KAZN: variants seen among roughly 807,000 people sequenced by gnomAD.
KAZN encodes kazrin, periplakin interacting protein, also known as kazrin.
In KAZN, 40 loss-of-function variants were observed where a neutral mutation model predicts 87.4. That is an observed-to-expected ratio of 0.46 (90% CI 0.36 to 0.60). The LOEUF (loss-of-function observed/expected upper bound fraction) is 0.60. KAZN is among the 20% of genes least tolerant of loss of function. The probability of loss-of-function intolerance (pLI) is 0.00; values close to 1 mark genes in which losing one functional copy is unlikely to be tolerated. For synonymous variants in KAZN, 466 were observed against 458.3 expected (o/e 1.02, Z -0.22); for missense variants, 898 against 1,073.9 (o/e 0.84, Z 2.29).
chr1:13,897,520 T>G (rs547663588), intron 1 of KAZN, among the ~76,000 whole-genome samples: 1 of 152,270 alleles, frequency 6.6e-6, no homozygotes, highest in Non-Finnish European at 1.5e-5. Flanking sequence ...AGGAAGCTTT[T>G]AGAATAGATC....
intron 1 of KAZN, among the ~76,000 whole-genome samples, chr1:13,963,668 C>T (rs1305143819): frequency 6.6e-6 from 1 of 152,128 alleles, no homozygotes; most frequent in Non-Finnish European, 1.5e-5. Flanking sequence ...AAGCCTAGCT[C>T]AGCCATCATC....
At chr1:14,281,310 T>G (rs1436772311) in intron 2 of KAZN, among the ~76,000 whole-genome samples, 3 of 152,206 alleles carry the variant, frequency 2.0e-5, no homozygotes, top group Admixed American at 6.5e-5. Flanking sequence ...GGTGCACATA[T>G]GTATTTGTTA....
intron 2 of KAZN, among the ~76,000 whole-genome samples, chr1:14,335,760 C>G (rs561756463): frequency 0.034 from 5,103 of 149,316 alleles, 241 homozygotes; most frequent in East Asian, 0.12. Context: ...CACACACACA[C>G]AGAGAGAGAG....
At chr1:15,086,414 G>A (rs886482240) in intron 8 of KAZN, among the ~76,000 whole-genome samples, 9 of 152,196 alleles carry the variant, frequency 5.9e-5, no homozygotes, top group African/African-American at 1.2e-4. Flanking sequence ...ACCTAAAACC[G>A]TGTTCCCAGC....
intron 2 of KAZN, among the ~76,000 whole-genome samples, chr1:14,328,988 C>T (rs1656651453): frequency 6.6e-6 from 1 of 152,030 alleles, no homozygotes; most frequent in South Asian, 2.1e-4. Flanking sequence ...TTTATGGATA[C>T]AAGAAAAGAC....
chr1:14,689,304 A>T (rs1557891468), intron 1 of KAZN, among the ~76,000 whole-genome samples: 1 of 152,186 alleles, frequency 6.6e-6, no homozygotes, highest in Non-Finnish European at 1.5e-5. Context: ...ACAGAGAGCT[A>T]CTCAGGGCCT....
chr1:14,827,549 CT>C (rs1434007628), intron 1 of KAZN, among the ~76,000 whole-genome samples: 2 of 152,218 alleles, frequency 1.3e-5, no homozygotes, highest in Non-Finnish European at 2.9e-5. Flanking sequence ...TTGCCTCCCC[CT>C]GCACACTAGG....
At chr1:14,259,164 G>A (rs1650813918) in intron 2 of KAZN, among the ~76,000 whole-genome samples, 2 of 152,070 alleles carry the variant, frequency 1.3e-5, no homozygotes, top group African/African-American at 2.4e-5. Flanking sequence ...TGGCTAGGCA[G>A]CATGCATGCC....
At chr1:14,422,404 G>C (rs529507430) in intron 2 of KAZN, among the ~76,000 whole-genome samples, 17 of 152,338 alleles carry the variant, frequency 1.1e-4, no homozygotes, top group South Asian at 2.1e-4. Flanking sequence ...CGTAGGTAAA[G>C]TATGAGGCTG....
At chr1:15,045,325 C>T (rs766536850) in intron 4 of KAZN, among the ~76,000 whole-genome samples, 9 of 152,162 alleles carry the variant, frequency 5.9e-5, no homozygotes, top group Admixed American at 2.0e-4. Flanking sequence ...CGAATCCAGC[C>T]CCAGGTGCTT....
At chr1:13,959,246 C>G (rs927436549) in intron 1 of KAZN, among the ~76,000 whole-genome samples, 1 of 152,156 alleles carries the variant, frequency 6.6e-6, no homozygotes, top group Non-Finnish European at 1.5e-5. Context: ...ATGGTCCTCA[C>G]CAAAACCAAA....
intron 1 of KAZN, among the ~76,000 whole-genome samples, chr1:14,698,263 C>T (rs1005019144): frequency 2.6e-5 from 4 of 152,190 alleles, no homozygotes; most frequent in East Asian, 1.9e-4. Context: ...GGAAGTGAGC[C>T]GCCACCAGCC....
chr1:14,404,741 A>G (rs868139431), intron 2 of KAZN, among the ~76,000 whole-genome samples: 3 of 152,238 alleles, frequency 2.0e-5, no homozygotes, highest in South Asian at 4.1e-4. Context: ...AAATTCTCAA[A>G]AATAGTAAGA....
At chr1:14,104,274 T>G (rs1644322842) in intron 1 of KAZN, among the ~76,000 whole-genome samples, 1 of 152,218 alleles carries the variant, frequency 6.6e-6, no homozygotes, top group Non-Finnish European at 1.5e-5. Flanking sequence ...CTCCTGGCGC[T>G]GGAGGAGGTC....
chr1:14,302,961 T>C (rs1017258805), intron 2 of KAZN, among the ~76,000 whole-genome samples: 3 of 152,124 alleles, frequency 2.0e-5, no homozygotes, highest in Admixed American at 6.5e-5. Flanking sequence ...GGGAACAAGA[T>C]TGAATGTGAT....
Position 15,079,550 on chromosome 1 carries a change from C to T in KAZN, c.1222+13797C>T, listed in dbSNP as rs552387155. ...TGATTTCCTGAAACCCACAGCCATC[C>T]ATCGCCCCCAGCTTTGCCTCCAAGA... On this transcript the variant is annotated intron_variant, in intron 8 of 14. Transcript: ENST00000376030. Among the ~76,000 whole-genome samples the T allele has an allele frequency of 1.4e-4, 21 of 152,244 alleles. 1 individual carries two copies. Among genetic ancestry groups the T allele is most frequent in the African/African-American group, 5.1e-4 (21 of 41,546 alleles).
intron 1 of KAZN, among the ~76,000 whole-genome samples, chr1:14,159,337 C>G (rs1645662271): frequency 6.6e-6 from 1 of 152,224 alleles, no homozygotes; most frequent in South Asian, 2.1e-4. Context: ...GTCCTTCCCA[C>G]TCTTCTCTCC....
At position 14,047,697 on chromosome 1, in the gene KAZN, G is replaced by A. The variant is rs139556863; in HGVS notation, c.92-132738G>A. ...AGCCTGGCCAACATGGTGAAACCCC[G>A]TCTCTACTAAAAATACAAAAATTAG... On this transcript the variant is annotated intron_variant, in intron 1 of 16. Transcript: ENST00000636203. 2.8e-3 allele frequency among the ~76,000 whole-genome samples: 428 copies of A among 152,074 alleles called. 2 individuals carry two copies. Among genetic ancestry groups the A allele is most frequent in the African/African-American group, 9.7e-3 (404 of 41,490 alleles).
At chr1:14,005,491 T>C (rs1436344643) in intron 1 of KAZN, among the ~76,000 whole-genome samples, 1 of 152,158 alleles carries the variant, frequency 6.6e-6, no homozygotes, top group Non-Finnish European at 1.5e-5. Flanking sequence ...GAACATACAC[T>C]TGGAGTTGAG....
Sources: allele counts gnomAD v4.1 joint callset (sites outside exome capture counted in the v4.1 genomes callset), GRCh38; gene constraint gnomAD v4.1.1; transcripts MANE v1.5; gene names NCBI Gene and HGNC (gene_info 2026-07-23, HGNC 2026-07-21).